PDE4D: variants seen among roughly 807,000 people sequenced by gnomAD.
The protein encoded by PDE4D is phosphodiesterase 4D.
Under a neutral mutation model 87.4 loss-of-function variants are expected in PDE4D, and 24 were observed. The observed-to-expected ratio is 0.27, with a 90% CI of 0.20 to 0.39. PDE4D has a LOEUF of 0.39. Among genes scored for constraint, PDE4D ranks in the 10% least tolerant of loss-of-function variants. PDE4D has a pLI of 1.00. For synonymous variants in PDE4D, 384 were observed against 383.2 expected (o/e 1.00, Z -0.02); for missense variants, 714 against 1,041.0 (o/e 0.69, Z 4.32).
At chr5:59,025,880 T>C (rs984111892) in intron 6 of PDE4D, among the ~76,000 whole-genome samples, 24 of 152,322 alleles carry the variant, frequency 1.6e-4, no homozygotes, top group African/African-American at 5.8e-4. Context: ...CAGGCCAAGG[T>C]GTTTCCTATT....
At chr5:60,369,814 A>G (rs531963978) in intron 1 of PDE4D, among the ~76,000 whole-genome samples, 1 of 152,250 alleles carries the variant, frequency 6.6e-6, no homozygotes, top group East Asian at 1.9e-4. Flanking sequence ...TCACATGAGA[A>G]GTCAACATGC....
chr5:59,755,948 T>G (rs1048582499), intron 1 of PDE4D, among the ~76,000 whole-genome samples: 5 of 151,336 alleles, frequency 3.3e-5, no homozygotes, highest in African/African-American at 9.7e-5. Context: ...GAGGGTTATC[T>G]CAAAAGGGTA....
chr5:59,956,271 A>G (rs960510323), intron 3 of PDE4D, among the ~76,000 whole-genome samples: 3 of 152,166 alleles, frequency 2.0e-5, no homozygotes, highest in African/African-American at 7.2e-5. Context: ...AGCCTGCAGG[A>G]CAGCCCCTGA....
chr5:60,519,268 C>T (rs1419720821), intron 1 of PDE4D, among the ~76,000 whole-genome samples: 1 of 152,212 alleles, frequency 6.6e-6, no homozygotes, highest in South Asian at 2.1e-4. Context: ...GTTTCTACTT[C>T]CACCCTTTTC....
chr5:60,136,894 G>T (rs528314092), intron 2 of PDE4D, among the ~76,000 whole-genome samples: 5 of 152,152 alleles, frequency 3.3e-5, no homozygotes, highest in Non-Finnish European at 7.4e-5. Flanking sequence ...TTGCTGCATA[G>T]ATCATCCCAT....
intron 1 of PDE4D, among the ~76,000 whole-genome samples, chr5:59,790,334 TG>T (rs1478287542): frequency 2.0e-5 from 3 of 152,196 alleles, no homozygotes; most frequent in Admixed American, 6.5e-5. Flanking sequence ...AAGATTTAAG[TG>T]GAAATATTTA....
rs138365735 is a variant in PDE4D at position 59,707,312 on chromosome 5, GT to G, written c.455+185855del. On this transcript the variant is annotated intron_variant, in intron 1 of 14. Transcript: ENST00000340635. Reference sequence around the variant, plus strand: ...TGCAACAAACATTTATTGAATTACTGTTTTTCTTGGCACTGAGGGGAATAAA... The same window carrying G: ...TGCAACAAACATTTATTGAATTACTGTTTTCTTGGCACTGAGGGGAATAAA... Among the ~76,000 whole-genome samples, 528 of 152,162 alleles carry G rather than the reference GT, an allele frequency of 3.5e-3. 4 individuals are homozygous for G. The highest frequency in any genetic ancestry group is 0.012 in the African/African-American group (511 of 41,534).
At chr5:60,428,204 T>C (rs958114509) in intron 1 of PDE4D, among the ~76,000 whole-genome samples, 1 of 152,180 alleles carries the variant, frequency 6.6e-6, no homozygotes, top group Admixed American at 6.5e-5. Context: ...TAGATTCTAA[T>C]GCATAGGGGC....
At chr5:59,786,526 G>C (rs1433795699) in intron 1 of PDE4D, among the ~76,000 whole-genome samples, 3 of 152,214 alleles carry the variant, frequency 2.0e-5, no homozygotes, top group African/African-American at 7.2e-5. Flanking sequence ...TCCGAGTGAT[G>C]ATGAAGCACT....
intron 1 of PDE4D, among the ~76,000 whole-genome samples, chr5:59,756,582 A>G (rs1464953045): frequency 5.3e-5 from 8 of 151,166 alleles, no homozygotes; most frequent in African/African-American, 1.9e-4. Context: ...CAAATGGTTA[A>G]TCATTGAGTT....
At chr5:60,104,907 T>C (rs1317628907) in intron 2 of PDE4D, among the ~76,000 whole-genome samples, 2 of 151,952 alleles carry the variant, frequency 1.3e-5, no homozygotes, top group African/African-American at 2.4e-5. Flanking sequence ...ACCACAAAGA[T>C]GGGGAAAATC....
chr5:60,002,356 C>A (rs1445036588), intron 2 of PDE4D, among the ~76,000 whole-genome samples: 1 of 151,630 alleles, frequency 6.6e-6, no homozygotes, highest in Non-Finnish European at 1.5e-5. Flanking sequence ...AGAATTAATA[C>A]AAATGCTTCT....
At chr5:59,889,749 T>C (rs551645829) in intron 1 of PDE4D, among the ~76,000 whole-genome samples, 1 of 152,360 alleles carries the variant, frequency 6.6e-6, no homozygotes, top group African/African-American at 2.4e-5. Context: ...AAATGATTAA[T>C]CTGATATGTA....
At chr5:59,320,539 C>T (rs1774534647) in intron 1 of PDE4D, among the ~76,000 whole-genome samples, 1 of 152,046 alleles carries the variant, frequency 6.6e-6, no homozygotes, top group Non-Finnish European at 1.5e-5. Context: ...TATATTTATA[C>T]TTATTTGATG....
rs1743507881 is a variant in PDE4D, at chr5:58,975,559, T to TA, written c.2013+97dup. 3 of 977,316 alleles carry TA rather than the reference T, an allele frequency of 3.1e-6. No individual in the cohort carries two copies. The highest frequency in any genetic ancestry group is 4.2e-6 in the Non-Finnish European group (3 of 717,866). 60.5% of individuals were successfully genotyped at this position (977,316 alleles called of 1,614,324 possible). A position where few individuals can be genotyped will look rare whatever the true frequency, so the allele number is the denominator to read the frequency against. The stretch of plus-strand genomic sequence containing the variant: ...GAGCTTGTCAAAAACAAAGTAATTT[T>TA]AAAAATCCAGTAAAATACTATCATA... On this transcript the variant is annotated intron_variant, in intron 14 of 14. Coordinates refer to ENST00000340635, the MANE Select transcript of PDE4D (RefSeq NM_001104631.2). This position sits in a 1 kb window ranked among gnomAD's most constrained non-coding sequence, Gnocchi z 4.2.
intron 1 of PDE4D, among the ~76,000 whole-genome samples, chr5:59,491,187 T>C (rs1806120426): frequency 1.3e-5 from 2 of 152,210 alleles, no homozygotes; most frequent in Admixed American, 1.3e-4. Context: ...TTCTCTATGT[T>C]TAAAACATCT....
chr5:59,344,308 A>C (rs1779274932), intron 1 of PDE4D, among the ~76,000 whole-genome samples: 1 of 152,232 alleles, frequency 6.6e-6, no homozygotes, highest in Admixed American at 6.5e-5. Flanking sequence ...GGGTGAGCGA[A>C]AAATGCTTGA....
intron 3 of PDE4D, among the ~76,000 whole-genome samples, chr5:59,916,755 T>C (rs1267528843): frequency 2.0e-5 from 3 of 152,158 alleles, no homozygotes; most frequent in East Asian, 1.9e-4. Flanking sequence ...GGGAATATAG[T>C]ATTTTTTGCA....
chr5:59,007,376 A>G (rs1751833998), intron 6 of PDE4D, among the ~76,000 whole-genome samples: 1 of 152,180 alleles, frequency 6.6e-6, no homozygotes, highest in South Asian at 2.1e-4. Context: ...CTAATTTTTA[A>G]ATGTCCCTTG....
Sources: allele counts gnomAD v4.1 joint callset (sites outside exome capture counted in the v4.1 genomes callset), GRCh38; gene constraint gnomAD v4.1.1; non-coding constraint Gnocchi (gnomAD v3.1); transcripts MANE v1.5; gene names NCBI Gene and HGNC (gene_info 2026-07-23, HGNC 2026-07-21).